The following SLC16A4 variants were observed in gnomAD, a reference collection of about 807,000 sequenced individuals.
SLC16A4 encodes the protein probable monocarboxylate transporter 5.
Under a neutral mutation model 47.9 loss-of-function variants are expected in SLC16A4, and 39 were observed. The observed-to-expected ratio is 0.81, with a 90% CI of 0.63 to 1.06. SLC16A4 has a LOEUF of 1.06. Among genes scored for constraint, SLC16A4 ranks in the 50% least tolerant of loss-of-function variants. The probability of loss-of-function intolerance (pLI) is 0.00; values close to 1 mark genes in which losing one functional copy is unlikely to be tolerated. For synonymous variants in SLC16A4, 189 were observed against 199.9 expected, an observed-to-expected ratio of 0.95 and a Z score of 0.46; for missense variants, 524 against 573.8, an observed-to-expected ratio of 0.91 and a Z score of 0.89.
chr1:110,375,452 TGTTACCTGCTATAGGTG>T lies in SLC16A4; in HGVS notation c.1325_1336+5del, dbSNP rs747656885. On this transcript the variant is annotated splice_donor_variant and splice_donor_5th_base_variant and coding_sequence_variant and intron_variant, in exon 8 of 9. Coordinates refer to ENST00000369779, the MANE Select transcript of SLC16A4 (RefSeq NM_004696.3). LOFTEE classifies it high-confidence loss of function. Reference sequence around the variant, plus strand: ...AAATTTGTTCAGAATGTGGTGAAGGTGTTACCTGCTATAGGTGGTCCAGAAAGGACAGCCATCCCAGC... The same window carrying T: ...AAATTTGTTCAGAATGTGGTGAAGGTGTCCAGAAAGGACAGCCATCCCAGC... 9 of 1,567,936 alleles carry T rather than the reference TGTTACCTGCTATAGGTG, an allele frequency of 5.7e-6. No individual in the cohort carries two copies. The South Asian group carries it at 1.0e-4, about 17-fold the overall frequency.
intron 2 of SLC16A4, among the ~76,000 whole-genome samples, chr1:110,385,768 T>C (rs1273698871): frequency 2.0e-5 from 3 of 152,192 alleles, no homozygotes; most frequent in Admixed American, 6.5e-5. Flanking sequence ...ACAAAACTTA[T>C]TTAGAATGAA....
chr1:110,382,938 T>A lies in SLC16A4; in HGVS notation c.116A>T (p.Lys39Met). ...GACCACAAAGAAAATTGCAAAAGTC[T>A]TGGTCATCCCCATCACAAACACATT... is the stretch of plus-strand genomic sequence containing the variant. Reference protein sequence around the residue: ...LVNVFVMGMTKTFAIFFVVFQ... With the variant: ...LVNVFVMGMTMTFAIFFVVFQ... The change falls in exon 3 of 9, where the codon AAG (lysine) becomes ATG (methionine). Residue 39 changes from lysine to methionine, a missense_variant. Physicochemically the swap from Lys to Met is moderately conservative, Grantham distance 95. Transcript: ENST00000369779. The A allele has an allele frequency of 6.2e-7, 1 of 1,612,088 alleles. No individual in the cohort carries two copies. The highest frequency in any genetic ancestry group is 8.5e-7 in the Non-Finnish European group (1 of 1,178,642).
Position 110,381,763 on chromosome 1 carries a change from C to T in SLC16A4, c.253G>A (p.Gly85Arg), listed in dbSNP as rs770657883. The change falls in exon 4 of 9, where the codon GGA (glycine) becomes AGA (arginine). Residue 85 changes from glycine (G) to arginine (R), a missense_variant. Physicochemically the swap from Gly to Arg is moderately radical, Grantham distance 125. Transcript: ENST00000369779. ...CCAAGAATGGAGGTAGTTTTCTCTCCAAGTATGTCACAAATAATAGCAACC... is the reference window on the plus strand; with the variant it reads ...CCAAGAATGGAGGTAGTTTTCTCTCTAAGTATGTCACAAATAATAGCAACC... The part of the protein sequence containing the change: ...PLVAIICDIL[G>R]EKTTSILGAF... The T allele has an allele frequency of 1.2e-6, 2 of 1,613,210 alleles. No individual in the cohort carries two copies. Among genetic ancestry groups the T allele is most frequent in the Non-Finnish European group, 1.7e-6 (2 of 1,179,724 alleles).
At chr1:110,365,568 T>C (rs985110017) in intron 8 of SLC16A4, among the ~76,000 whole-genome samples, 8 of 152,298 alleles carry the variant, frequency 5.3e-5, no homozygotes, top group African/African-American at 1.4e-4. Flanking sequence ...TGAAAACAAC[T>C]GGACAAGTCT....
At position 110,379,494 on chromosome 1, in the gene SLC16A4, T is replaced by C. The variant is rs576983085; in HGVS notation, c.527-138A>G. 307 of 766,968 alleles carry C rather than the reference T, an allele frequency of 4.0e-4. 1 individual carries two copies. Among genetic ancestry groups the C allele is most frequent in the Admixed American group, 8.1e-4 (28 of 34,368 alleles). The allele number at this position is 766,968 out of a possible 1,614,324, so 47.5% of individuals were successfully genotyped here. On this transcript the variant is annotated intron_variant, in intron 5 of 8. Transcript: ENST00000369779. ...ATTACTTTGTCTCCGATTTGACTTA[T>C]TAGTCATATACACTGCTGTATCCGT...
Position 110,375,536 on chromosome 1 carries a change from T to C in SLC16A4, c.1258A>G (p.Asn420Asp), listed in dbSNP as rs147521806. ...CCCAAAAACCTGTTTACTGTAGAATTCCTACACAGATCAACCTGTAGGAAT... is the reference window on the plus strand; with the variant it reads ...CCCAAAAACCTGTTTACTGTAGAATCCCTACACAGATCAACCTGTAGGAAT... ...ILPVLVDLCR[N>D]STVNRFLGLA... Residue 420 changes from asparagine to aspartate, a missense_variant, in exon 8 of 9, where the codon AAT becomes GAT. Transcript: ENST00000369779. The C allele has an allele frequency of 3.7e-6, 6 of 1,606,120 alleles. No homozygotes were observed. Among genetic ancestry groups the C allele is most frequent in the Non-Finnish European group, 5.1e-6 (6 of 1,172,864 alleles).
At chr1:110,372,347 G>GT (rs1000032405) in intron 8 of SLC16A4, 1 of 152,152 alleles carries the variant, frequency 6.6e-6, no homozygotes, top group African/African-American at 2.4e-5. Flanking sequence ...ACAGATTTAG[G>GT]TAAGTAAAAA....
At chr1:110,370,818 T>C (rs1661649118) in intron 8 of SLC16A4, 1 of 152,228 alleles carries the variant, frequency 6.6e-6, no homozygotes, top group Admixed American at 6.5e-5. Flanking sequence ...TTCAACATAT[T>C]TTAAAGTCAT....
intron 8 of SLC16A4, among the ~76,000 whole-genome samples, chr1:110,364,317 A>C (rs1479131402): frequency 6.6e-6 from 1 of 152,140 alleles, no homozygotes; most frequent in Non-Finnish European, 1.5e-5. Flanking sequence ...CTAGTGAGCC[A>C]AAACAGATAC....
At chr1:110,388,675 G>C (rs1294517942) in intron 2 of SLC16A4, among the ~76,000 whole-genome samples, 2 of 152,220 alleles carry the variant, frequency 1.3e-5, no homozygotes, top group Non-Finnish European at 2.9e-5. Flanking sequence ...TCAGGTTTAA[G>C]AGATGATAGG....
chr1:110,384,510 C>A lies in SLC16A4; in HGVS notation c.88-1544G>T, dbSNP rs150949759. On this transcript the variant is annotated intron_variant, in intron 2 of 8. Coordinates refer to ENST00000369779, the MANE Select transcript of SLC16A4 (RefSeq NM_004696.3). Reference sequence around the variant, plus strand: ...GTATTAACTTTTATTTCTCAGAATTCTAGTTAGCCGGGGGGCTGTTAAGTG... The same window carrying A: ...GTATTAACTTTTATTTCTCAGAATTATAGTTAGCCGGGGGGCTGTTAAGTG... Among the ~76,000 whole-genome samples the A allele has an allele frequency of 6.8e-3, 1,040 of 152,294 alleles. 14 individuals are homozygous for A. Among genetic ancestry groups the A allele is most frequent in the African/African-American group, 0.023 (974 of 41,558 alleles).
chr1:110,387,034 C>T (rs1328792600), intron 2 of SLC16A4, among the ~76,000 whole-genome samples: 1 of 152,194 alleles, frequency 6.6e-6, no homozygotes, highest in African/African-American at 2.4e-5. Flanking sequence ...ATTAGCTTCT[C>T]ATAGCCTCAA....
chr1:110,370,615 A>G (rs1288898714), intron 8 of SLC16A4: 2 of 152,208 alleles, frequency 1.3e-5, no homozygotes, highest in Non-Finnish European at 2.9e-5. Context: ...ACTTGGTGCA[A>G]AATTACCAGT....
chr1:110,389,997 T>C (rs893100945), intron 1 of SLC16A4, among the ~76,000 whole-genome samples: 1 of 152,164 alleles, frequency 6.6e-6, no homozygotes, highest in African/African-American at 2.4e-5. Flanking sequence ...TCAGACAATA[T>C]GCCTTTGTAA....
rs1331548848 is a variant in SLC16A4 at position 110,363,602 on chromosome 1, G to A, written c.*164C>T. Reference sequence around the variant, plus strand: ...GATTGCGCCACTGCACTCCAGCCTGGGCGAAAGAGCGAGACTCCGTCTCAA... The same window carrying A: ...GATTGCGCCACTGCACTCCAGCCTGAGCGAAAGAGCGAGACTCCGTCTCAA... On this transcript the variant is annotated 3_prime_UTR_variant, in exon 9 of 9. Coordinates refer to ENST00000369779, the MANE Select transcript of SLC16A4 (RefSeq NM_004696.3). The A allele has an allele frequency of 3.4e-6, 2 of 591,164 alleles. No homozygotes were observed. Among genetic ancestry groups the A allele is most frequent in the East Asian group, 4.0e-5 (1 of 25,096 alleles). The allele number at this position is 591,164 out of a possible 1,614,324, so 36.6% of individuals were successfully genotyped here. A position where few individuals can be genotyped will look rare whatever the true frequency, so the allele number is the denominator to read the frequency against.
At chr1:110,378,811 G>A (rs1050289640) in intron 6 of SLC16A4, 42 bp downstream of exon 6, 4 of 1,537,256 alleles carry the variant, frequency 2.6e-6, no homozygotes, top group Non-Finnish European at 3.5e-6. Flanking sequence ...AAATTAAGTT[G>A]ATCTTTCCTT....
intron 5 of SLC16A4, chr1:110,379,652 A>G (rs1570646245): frequency 3.7e-6 from 1 of 271,448 alleles, no homozygotes; most frequent in East Asian, 6.6e-5. Flanking sequence ...AGAGTGTTTC[A>G]AATGCTAAAA....
At chr1:110,380,394 A>C (rs1427337289) in intron 5 of SLC16A4, among the ~76,000 whole-genome samples, 1 of 152,212 alleles carries the variant, frequency 6.6e-6, no homozygotes, top group Non-Finnish European at 1.5e-5. Flanking sequence ...CCAGTAGTTT[A>C]GGATTATTTT....
intron 2 of SLC16A4, among the ~76,000 whole-genome samples, chr1:110,387,248 C>G (rs1418846250): frequency 6.6e-6 from 1 of 152,072 alleles, no homozygotes; most frequent in Admixed American, 6.6e-5. Flanking sequence ...AGACATAGAC[C>G]CTGCCCCCAT....
Sources: gnomAD v4.1 joint callset for allele counts (sites outside exome capture counted in the v4.1 genomes callset) on GRCh38, gnomAD v4.1.1 for gene constraint, MANE v1.5 for transcripts, NCBI Gene and HGNC (gene_info 2026-07-23, HGNC 2026-07-21) for gene names.